RAP1A: variants seen among roughly 807,000 people sequenced by gnomAD.
The protein encoded by RAP1A is RAP1A, member of RAS oncogene family, also known as ras-related protein Rap-1A.
A neutral mutation model predicts 26.4 loss-of-function variants in RAP1A; 6 were observed. The ratio of observed to expected loss-of-function variants is 0.23; its 90% CI spans 0.12 to 0.45. The LOEUF (loss-of-function observed/expected upper bound fraction) is 0.45. RAP1A is among the 20% of genes least tolerant of loss of function. The pLI is 0.99. For synonymous variants in RAP1A, 73 were observed against 79.4 expected, an observed-to-expected ratio of 0.92 and a Z score of 0.43; for missense variants, 121 against 217.2, an observed-to-expected ratio of 0.56 and a Z score of 2.78.
chr1:111,673,508 G>A (rs1661036522), intron 1 of RAP1A, among the ~76,000 whole-genome samples: 1 of 152,192 alleles, frequency 6.6e-6, no homozygotes, highest in African/African-American at 2.4e-5. Flanking sequence ...TTTTGTAAAT[G>A]TTAGAAGTAG....
intron 1 of RAP1A, among the ~76,000 whole-genome samples, chr1:111,636,537 G>A (rs1659735088): frequency 6.6e-6 from 1 of 151,040 alleles, no homozygotes; most frequent in African/African-American, 2.4e-5. Context: ...AGGCTGGAGT[G>A]CAATGATGTG....
intron 1 of RAP1A, among the ~76,000 whole-genome samples, chr1:111,644,550 G>A (rs571234196): frequency 6.6e-6 from 1 of 152,196 alleles, no homozygotes; most frequent in Admixed American, 6.5e-5. Flanking sequence ...CACCACAACT[G>A]CATTCAGGAA....
At chr1:111,695,592 C>G (rs1409066649) in intron 3 of RAP1A, among the ~76,000 whole-genome samples, 183 bp downstream of exon 3, 2 of 152,144 alleles carry the variant, frequency 1.3e-5, no homozygotes, top group Non-Finnish European at 2.9e-5. Context: ...ATTCAGAGCT[C>G]TATGTTCTGT....
chr1:111,626,661 A>G (rs1659412250), intron 1 of RAP1A, among the ~76,000 whole-genome samples: 1 of 152,170 alleles, frequency 6.6e-6, no homozygotes, highest in African/African-American at 2.4e-5. Context: ...CTCCCGACCT[A>G]ATTAATTATG....
intron 1 of RAP1A, chr1:111,648,895 C>T: frequency 1.3e-6 from 1 of 796,408 alleles, no homozygotes. Context: ...CCAGAGCTGG[C>T]AATCTGGGCT....
intron 1 of RAP1A, among the ~76,000 whole-genome samples, chr1:111,578,558 G>A (rs1385647647): frequency 2.0e-5 from 3 of 152,058 alleles, no homozygotes; most frequent in Admixed American, 2.0e-4. Flanking sequence ...ATAATGTACT[G>A]GAGTGAGTTT....
intron 2 of RAP1A, 124 bp downstream of exon 2, chr1:111,691,541 C>A: frequency 1.3e-6 from 1 of 784,870 alleles, no homozygotes; most frequent in South Asian, 1.7e-5. Context: ...GATATCTGTC[C>A]CACAAAGGAC....
At chr1:111,547,076 G>T (rs1046617003) in intron 1 of RAP1A, among the ~76,000 whole-genome samples, 2 of 152,100 alleles carry the variant, frequency 1.3e-5, no homozygotes, top group Non-Finnish European at 2.9e-5. Flanking sequence ...ATTGTTCATT[G>T]CTAATATATA....
chr1:111,586,941 C>A (rs1232420898), intron 1 of RAP1A, among the ~76,000 whole-genome samples: 2 of 152,160 alleles, frequency 1.3e-5, no homozygotes, highest in Non-Finnish European at 1.5e-5. Flanking sequence ...CCTCTGCTGA[C>A]CTCTCATGCC....
chr1:111,575,344 G>A (rs1394771339), intron 1 of RAP1A, among the ~76,000 whole-genome samples: 1 of 152,114 alleles, frequency 6.6e-6, no homozygotes, highest in Non-Finnish European at 1.5e-5. Flanking sequence ...AGTAGAGACG[G>A]GTTTCGCCAT....
intron 1 of RAP1A, among the ~76,000 whole-genome samples, chr1:111,543,338 C>T (rs542774217): frequency 3.3e-5 from 5 of 152,216 alleles, no homozygotes; most frequent in African/African-American, 1.2e-4. Context: ...GAGCAACTGA[C>T]AAATTTTATT....
intron 1 of RAP1A, among the ~76,000 whole-genome samples, chr1:111,548,379 A>G (rs1404133297): frequency 1.3e-5 from 2 of 152,232 alleles, no homozygotes; most frequent in Non-Finnish European, 2.9e-5. Context: ...CTTTAGGATC[A>G]TACTGGTAAA....
chr1:111,631,498 T>G (rs1207390894), intron 1 of RAP1A, among the ~76,000 whole-genome samples: 1 of 152,218 alleles, frequency 6.6e-6, no homozygotes, highest in Non-Finnish European at 1.5e-5. Flanking sequence ...GTCCAGTTTT[T>G]TTACAGGTGA....
At chr1:111,693,586 T>G (rs1008425339) in intron 2 of RAP1A, among the ~76,000 whole-genome samples, 1 of 152,190 alleles carries the variant, frequency 6.6e-6, no homozygotes, top group Non-Finnish European at 1.5e-5. Context: ...AGTCAAACAT[T>G]ACTTTTAGTA....
chr1:111,592,681 C>T (rs1385164096), intron 1 of RAP1A, among the ~76,000 whole-genome samples: 4 of 152,196 alleles, frequency 2.6e-5, no homozygotes, highest in African/African-American at 9.7e-5. Flanking sequence ...TTCCAGCTCT[C>T]TCAATGAAGT....
At chr1:111,542,702 T>G (rs533638068) in intron 1 of RAP1A, among the ~76,000 whole-genome samples, 11 of 152,222 alleles carry the variant, frequency 7.2e-5, no homozygotes, top group East Asian at 3.9e-4. Context: ...TTTTGTTTTT[T>G]TTTTCTTTTT....
At chr1:111,629,851 T>G (rs1387096667) in intron 1 of RAP1A, among the ~76,000 whole-genome samples, 1 of 152,196 alleles carries the variant, frequency 6.6e-6, no homozygotes, top group Non-Finnish European at 1.5e-5. Context: ...ATTTAATGTC[T>G]ACAAACTATA....
intron 1 of RAP1A, among the ~76,000 whole-genome samples, chr1:111,614,295 A>G (rs923566142): frequency 2.6e-5 from 4 of 152,194 alleles, no homozygotes; most frequent in African/African-American, 9.7e-5. Context: ...GCCAGGTCAC[A>G]TTTTTATCAT....
At chr1:111,557,991 G>A (rs1407282050) in intron 1 of RAP1A, among the ~76,000 whole-genome samples, 1 of 151,864 alleles carries the variant, frequency 6.6e-6, no homozygotes, top group African/African-American at 2.4e-5. Context: ...ATCTATTAAA[G>A]GGGAAAAAAT....
Sources: gnomAD v4.1 joint callset for allele counts (sites outside exome capture counted in the v4.1 genomes callset) on GRCh38, gnomAD v4.1.1 for gene constraint, MANE v1.5 for transcripts, NCBI Gene and HGNC (gene_info 2026-07-23, HGNC 2026-07-21) for gene names.